BTBD9: variants seen among roughly 807,000 people sequenced by gnomAD.
The protein encoded by BTBD9 is BTB domain containing 9, also known as BTB/POZ domain-containing protein 9.
BTBD9 carries 49 observed loss-of-function variants against 64.3 expected under a neutral mutation model. The observed-to-expected ratio is 0.76, with a 90% CI of 0.61 to 0.97. The LOEUF (loss-of-function observed/expected upper bound fraction) is 0.97. Ranked by LOEUF, BTBD9 falls within the 50% of genes least tolerant of loss-of-function variation. The pLI is 0.00. For synonymous variants in BTBD9, 260 were observed against 274.7 expected (o/e 0.95, Z 0.53); for missense variants, 598 against 762.1 (o/e 0.78, Z 2.53).
chr6:38,208,674 G>A lies in BTBD9; in HGVS notation c.1563-16077C>T, dbSNP rs12202636. Among the ~76,000 whole-genome samples the A allele has an allele frequency of 5.9e-3, 905 of 152,302 alleles. 5 individuals are homozygous for A. The highest frequency in any genetic ancestry group is 0.011 in the Non-Finnish European group (715 of 68,018). ...GTGGAGACTCAGTGTGCAGGCCTCT[G>A]TCTAATCTGGCACCCCAGGAGTATG... On this transcript the variant is annotated intron_variant, in intron 9 of 10. Coordinates refer to ENST00000481247, the MANE Select transcript of BTBD9 (RefSeq NM_001099272.2).
At chr6:38,463,920 T>C (rs1302956701) in intron 6 of BTBD9, among the ~76,000 whole-genome samples, 4 of 152,120 alleles carry the variant, frequency 2.6e-5, no homozygotes, top group Non-Finnish European at 5.9e-5. Flanking sequence ...TGGTCCCAAC[T>C]ACTTGGGAGG....
intron 9 of BTBD9, among the ~76,000 whole-genome samples, chr6:38,247,684 G>A (rs901339186): frequency 6.6e-6 from 1 of 152,234 alleles, no homozygotes; most frequent in Non-Finnish European, 1.5e-5. Context: ...TCAGAGAAGC[G>A]GGCTTTAAGG....
chr6:38,487,256 A>T (rs181054979), intron 6 of BTBD9, among the ~76,000 whole-genome samples: 1 of 152,256 alleles, frequency 6.6e-6, no homozygotes, highest in East Asian at 1.9e-4. Context: ...ATTCTGAAGG[A>T]TTATTTTATT....
intron 6 of BTBD9, among the ~76,000 whole-genome samples, chr6:38,537,137 A>T (rs1012915377): frequency 1.3e-5 from 2 of 152,176 alleles, no homozygotes; most frequent in African/African-American, 2.4e-5. Flanking sequence ...TAATTTTTTT[A>T]AAAAATTGGA....
chr6:38,192,717 T>C (rs1388176274), intron 9 of BTBD9, 120 bp from the exon 10 acceptor site: 2 of 828,804 alleles, frequency 2.4e-6, no homozygotes, highest in Admixed American at 2.0e-5. Flanking sequence ...ACCTGCACTA[T>C]AGGAGGGGCA....
chr6:38,527,518 T>C (rs1034813277), intron 6 of BTBD9, among the ~76,000 whole-genome samples: 24 of 152,204 alleles, frequency 1.6e-4, no homozygotes, highest in African/African-American at 4.6e-4. Flanking sequence ...AAGGCAGTTT[T>C]CCCTGCTCTT....
intron 6 of BTBD9, among the ~76,000 whole-genome samples, chr6:38,346,880 G>A (rs993534885): frequency 1.1e-4 from 16 of 152,116 alleles, no homozygotes; most frequent in Admixed American, 1.0e-3. Context: ...GGAATAGAGG[G>A]AATGTGGTTT....
chr6:38,544,342 A>G (rs562019105), intron 6 of BTBD9, among the ~76,000 whole-genome samples: 1 of 152,266 alleles, frequency 6.6e-6, no homozygotes, highest in Admixed American at 6.5e-5. Context: ...AGACAACTAT[A>G]TATTATAAGC....
intron 9 of BTBD9, among the ~76,000 whole-genome samples, chr6:38,210,014 C>T (rs1291072638): frequency 6.6e-6 from 1 of 152,148 alleles, no homozygotes; most frequent in Non-Finnish European, 1.5e-5. Context: ...GCTGTGGCAG[C>T]TACAGAAAGG....
chr6:38,596,235 T>C (rs1210097737), intron 2 of BTBD9, among the ~76,000 whole-genome samples: 2 of 152,162 alleles, frequency 1.3e-5, no homozygotes, highest in African/African-American at 2.4e-5. Flanking sequence ...TAGTCTAAGG[T>C]AGACTCTGAG....
chr6:38,197,263 C>T (rs1017527010), intron 9 of BTBD9, among the ~76,000 whole-genome samples: 1 of 152,058 alleles, frequency 6.6e-6, no homozygotes, highest in African/African-American at 2.4e-5. Context: ...GAAACTGAGG[C>T]AAAGAGAAGA....
At chr6:38,541,178 C>T (rs1312093308) in intron 6 of BTBD9, among the ~76,000 whole-genome samples, 3 of 151,994 alleles carry the variant, frequency 2.0e-5, no homozygotes, top group Non-Finnish European at 4.4e-5. Flanking sequence ...GTTTTTAGGC[C>T]TCCCCTCATA....
intron 6 of BTBD9, among the ~76,000 whole-genome samples, chr6:38,535,033 CAGAA>C (rs1275247694): frequency 6.6e-6 from 1 of 151,896 alleles, no homozygotes; most frequent in Non-Finnish European, 1.5e-5. Flanking sequence ...AATCAGATAA[CAGAA>C]AGAAATAAAG....
At chr6:38,593,249 CT>C (rs1232339172) in intron 3 of BTBD9, among the ~76,000 whole-genome samples, 2 of 152,302 alleles carry the variant, frequency 1.3e-5, no homozygotes, top group South Asian at 2.1e-4. Context: ...CACTACCATA[CT>C]TTTGGCTCTC....
intron 6 of BTBD9, among the ~76,000 whole-genome samples, chr6:38,463,176 T>C (rs947742751): frequency 6.6e-6 from 1 of 152,204 alleles, no homozygotes; most frequent in Non-Finnish European, 1.5e-5. Context: ...TAAAAATCAA[T>C]TGTTGATTGT....
chr6:38,321,727 T>C (rs1225790493), intron 7 of BTBD9, among the ~76,000 whole-genome samples: 1 of 152,152 alleles, frequency 6.6e-6, no homozygotes, highest in Admixed American at 6.5e-5. Context: ...AAGTGATAAG[T>C]TGCACAACAC....
At chr6:38,552,293 A>G (rs568007444) in intron 6 of BTBD9, among the ~76,000 whole-genome samples, 7 of 152,328 alleles carry the variant, frequency 4.6e-5, no homozygotes, top group Non-Finnish European at 1.0e-4. Flanking sequence ...AAGAGAGAAC[A>G]AGAATGAGAC....
chr6:38,317,879 T>C (rs866477299), intron 7 of BTBD9, among the ~76,000 whole-genome samples: 3 of 152,176 alleles, frequency 2.0e-5, no homozygotes, highest in Middle Eastern at 3.4e-3. Flanking sequence ...ATGTATCTGA[T>C]AGGATTCTGA....
At chr6:38,514,318 C>A (rs1378703119) in intron 6 of BTBD9, among the ~76,000 whole-genome samples, 1 of 152,158 alleles carries the variant, frequency 6.6e-6, no homozygotes, top group Admixed American at 6.5e-5. Flanking sequence ...TGTGTCTATT[C>A]TTCTTTTAAT....
Sources: gnomAD v4.1 joint callset for allele counts (sites outside exome capture counted in the v4.1 genomes callset) on GRCh38, gnomAD v4.1.1 for gene constraint, MANE v1.5 for transcripts, NCBI Gene and HGNC (gene_info 2026-07-23, HGNC 2026-07-21) for gene names.